The following ZIC2 variants were observed in gnomAD, a reference collection of about 807,000 sequenced individuals.
The protein encoded by ZIC2 is Zic family zinc finger 2.
ZIC2 carries 7 observed loss-of-function variants against 29.5 expected under a neutral mutation model. That is an observed-to-expected ratio of 0.24 (90% CI 0.14 to 0.45). The LOEUF (loss-of-function observed/expected upper bound fraction) is 0.45. Ranked by LOEUF, ZIC2 falls within the 20% of genes least tolerant of loss-of-function variation. ZIC2 has a pLI of 1.00. For synonymous variants in ZIC2, 408 were observed against 354.2 expected, an observed-to-expected ratio of 1.15 and a Z score of -1.70; for missense variants, 589 against 781.2, an observed-to-expected ratio of 0.75 and a Z score of 2.93.
Position 99,985,122 on chromosome 13 carries a change from C to T in ZIC2, c.1239+13C>T, listed in dbSNP as rs1281752411. 1 of 1,613,872 alleles carries T rather than the reference C, an allele frequency of 6.2e-7. No individual in the cohort carries two copies. The highest frequency in any genetic ancestry group is 8.5e-7 in the Non-Finnish European group (1 of 1,179,876). On this transcript the variant is annotated intron_variant, in intron 2 of 2. Coordinates refer to ENST00000376335, the MANE Select transcript of ZIC2 (RefSeq NM_007129.5). This position sits in a 1 kb window ranked among gnomAD's most constrained non-coding sequence, Gnocchi z 6.3. ...GAAGCACATGAAGGTACCACCGCGG[C>T]GGCCGGGAGGAGGGCGAGGCAGGCC...
rs1332917357 is a variant in ZIC2, at chr13:99,986,294, A to G, written c.*612A>G. 7 of 290,044 alleles carry G rather than the reference A, an allele frequency of 2.4e-5. No homozygotes were observed. Among genetic ancestry groups the G allele is most frequent in the Middle Eastern group, 1.2e-3 (1 of 828 alleles). 18.0% of individuals were successfully genotyped at this position (290,044 alleles called of 1,614,324 possible). On this transcript the variant is annotated 3_prime_UTR_variant, in exon 3 of 3. Coordinates refer to ENST00000376335, the MANE Select transcript of ZIC2 (RefSeq NM_007129.5). ...GGCAACCTGATTGTAAACTTCATGT[A>G]ACTATAGACTGGAAAAAATGAGCCG...
chr13:99,982,243 T>C lies in ZIC2; in HGVS notation c.179T>C (p.Phe60Ser). Reference protein sequence around the residue: ...VDSAAAHMGAFKLNPGAHELS... With the variant: ...VDSAAAHMGASKLNPGAHELS... ...TCCGCCGCCGCGCACATGGGAGCCTTCAAGCTCAACCCGGGCGCGCACGAG... is the reference window on the plus strand; with the variant it reads ...TCCGCCGCCGCGCACATGGGAGCCTCCAAGCTCAACCCGGGCGCGCACGAG... The change falls in exon 1 of 3, where the codon TTC (phenylalanine) becomes TCC (serine). Residue 60 changes from phenylalanine to serine, a missense_variant. By Grantham distance (155) the Phe-to-Ser change is radical. This residue lies in a region of ZIC2 where 358 missense variants were observed against 382.0 expected (regional missense o/e 0.94). Coordinates refer to ENST00000376335, the MANE Select transcript of ZIC2 (RefSeq NM_007129.5). 6.6e-7 allele frequency: 1 copy of C among 1,514,430 alleles called. No homozygotes were observed. Among genetic ancestry groups the C allele is most frequent in the Non-Finnish European group, 8.8e-7 (1 of 1,138,178 alleles). The allele number at this position is 1,514,430 out of a possible 1,614,324, so 93.8% of individuals were successfully genotyped here. A position where few individuals can be genotyped will look rare whatever the true frequency, so the allele number is the denominator to read the frequency against.
Position 99,985,242 on chromosome 13 carries a change from C to G in ZIC2, c.1240-81C>G. ...CGGGGGGAACATTTCTGGGGGTGCT[C>G]TCCCCCAGGGGCCCGGCCCCACAGC... On this transcript the variant is annotated intron_variant, in intron 2 of 2. Transcript: ENST00000376335. The surrounding 1 kb of genome is among the most constrained non-coding windows in gnomAD (Gnocchi z 6.3). 3 of 1,602,870 alleles carry G rather than the reference C, an allele frequency of 1.9e-6. No individual in the cohort carries two copies. Among genetic ancestry groups the G allele is most frequent in the Non-Finnish European group, 2.5e-6 (3 of 1,177,132 alleles).
chr13:99,982,246 A>G lies in ZIC2; in HGVS notation c.182A>G (p.Lys61Arg). 1 of 1,514,628 alleles carries G rather than the reference A, an allele frequency of 6.6e-7. No individual in the cohort carries two copies. Among genetic ancestry groups the G allele is most frequent in the East Asian group, 2.7e-5 (1 of 36,390 alleles). 93.8% of individuals were successfully genotyped at this position (1,514,628 alleles called of 1,614,324 possible). ...GCCGCCGCGCACATGGGAGCCTTCA[A>G]GCTCAACCCGGGCGCGCACGAGCTG... ...DSAAAHMGAF[K>R]LNPGAHELSP... is the part of the protein sequence containing the mutation. Residue 61 changes from lysine to arginine, a missense_variant, in exon 1 of 3, where the codon AAG becomes AGG. Lys to Arg is a conservative substitution (Grantham distance 26). Around this residue, in one of 7 missense-constraint regions of ZIC2, gnomAD observed 358 missense variants for 382.0 expected, o/e 0.94. Transcript: ENST00000376335.
chr13:99,981,995 G>C lies in ZIC2; in HGVS notation c.-70G>C. On this transcript the variant is annotated 5_prime_UTR_variant, in exon 1 of 3. Coordinates refer to ENST00000376335, the MANE Select transcript of ZIC2 (RefSeq NM_007129.5). The stretch of plus-strand genomic sequence containing the variant: ...GCCCGGTGGCCGCCGGACGCACCGC[G>C]CGGATCGGGAGCGGGAGTCGAGGCG... 1 of 1,204,282 alleles carries C rather than the reference G, an allele frequency of 8.3e-7. No individual in the cohort carries two copies. Among genetic ancestry groups the C allele is most frequent in the Non-Finnish European group, 1.0e-6 (1 of 971,988 alleles). The allele number at this position is 1,204,282 out of a possible 1,614,324, so 74.6% of individuals were successfully genotyped here.
rs1264657841 is a variant in ZIC2 at position 99,982,412 on chromosome 13, C to A, written c.348C>A (p.Thr116=). The A allele has an allele frequency of 3.1e-5, 45 of 1,472,882 alleles. No individual in the cohort carries two copies. In the East Asian group the frequency reaches 1.1e-3, roughly 37 times the overall value. The allele number at this position is 1,472,882 out of a possible 1,614,324, so 91.2% of individuals were successfully genotyped here. The part of the protein sequence containing the change: ...GSYSGPPFNS[T]RDFLFRSRGF... ...ACTCTGGGCCGCCCTTCAACTCCAC[C>A]CGGGACTTCCTGTTCCGCAGCCGCG... is the stretch of plus-strand genomic sequence containing the variant. The change falls in exon 1 of 3, where the codon ACC becomes ACA. Residue 116 remains threonine, a synonymous_variant. Transcript: ENST00000376335.
At position 99,983,532 on chromosome 13, in the gene ZIC2, G is replaced by T. The variant is rs1594291294; in HGVS notation, c.1075+393G>T. Among the ~76,000 whole-genome samples the T allele has an allele frequency of 6.6e-6, 1 of 152,112 alleles. No homozygotes were observed. Among genetic ancestry groups the T allele is most frequent in the African/African-American group, 2.4e-5 (1 of 41,428 alleles). On this transcript the variant is annotated intron_variant, in intron 1 of 2. Coordinates refer to ENST00000376335, the MANE Select transcript of ZIC2 (RefSeq NM_007129.5). The surrounding 1 kb of genome is among the most constrained non-coding windows in gnomAD (Gnocchi z 4.7). Reference sequence around the variant, plus strand: ...CTTGTCTGAATGTGCTTTTCTGCTCGGAGTGTATGTCTGTCTGAGTGGTTT... The same window carrying T: ...CTTGTCTGAATGTGCTTTTCTGCTCTGAGTGTATGTCTGTCTGAGTGGTTT...
rs539609412 is a variant in ZIC2 at position 99,985,468 on chromosome 13, C to T, written c.1385C>T (p.Ala462Val). 5 of 1,304,452 alleles carry T rather than the reference C, an allele frequency of 3.8e-6. No homozygotes were observed. Among genetic ancestry groups the T allele is most frequent in the South Asian group, 4.9e-5 (2 of 40,788 alleles). The allele number at this position is 1,304,452 out of a possible 1,614,324, so 80.8% of individuals were successfully genotyped here. A position where few individuals can be genotyped will look rare whatever the true frequency, so the allele number is the denominator to read the frequency against. ...TCCCCAGCGGCGGCGGCAGCGGCGG[C>T]GGCGGCTGCGGCGGCGGCGGCCGCG... is the stretch of plus-strand genomic sequence containing the variant. Reference protein sequence around the residue: ...NLSPAAAAAAAAAAAAAAAVS... With the variant: ...NLSPAAAAAAVAAAAAAAAVS... Residue 462 changes from alanine (A) to valine (V), a missense_variant, in exon 3 of 3, where the codon GCG becomes GTG. Ala to Val is a moderately conservative substitution (Grantham distance 64). Coordinates refer to ENST00000376335, the MANE Select transcript of ZIC2 (RefSeq NM_007129.5). The surrounding 1 kb of genome is among the most constrained non-coding windows in gnomAD (Gnocchi z 6.3).
rs2053262534 is a variant in ZIC2, at chr13:99,985,550, AGGCGGCGGCAGCGGCAGTGGCGGGGGC to A, written c.1476_1502del (p.Ser493_Gly501del). The A allele has an allele frequency of 1.0e-6, 1 of 987,928 alleles. No individual in the cohort carries two copies. Among genetic ancestry groups the A allele is most frequent in the Admixed American group, 6.3e-5 (1 of 15,820 alleles). 61.2% of individuals were successfully genotyped at this position (987,928 alleles called of 1,614,324 possible). ...GCAGTGGCGGCGCGGGAGGCGGCTC[AGGCGGCGGCAGCGGCAGTGGCGGGGGC>A]GGCGGCGGGGCGGGCGGCGGGGGCG... On this transcript the variant is annotated inframe_deletion, in exon 3 of 3. Transcript: ENST00000376335. This position sits in a 1 kb window ranked among gnomAD's most constrained non-coding sequence, Gnocchi z 6.3.
In ZIC2 at chr13:99,982,434, C is replaced by T. The variant is rs984618197; in HGVS notation, c.370C>T (p.Arg124Cys). 1 of 1,450,762 alleles carries T rather than the reference C, an allele frequency of 6.9e-7. No individual in the cohort carries two copies. Among genetic ancestry groups the T allele is most frequent in the Non-Finnish European group, 9.0e-7 (1 of 1,107,202 alleles). The allele number at this position is 1,450,762 out of a possible 1,614,324, so 89.9% of individuals were successfully genotyped here. Residue 124 changes from arginine to cysteine, a missense_variant, in exon 1 of 3, where the codon CGC becomes TGC. Physicochemically the swap from Arg to Cys is radical, Grantham distance 180. This residue lies in a region of ZIC2 where 358 missense variants were observed against 382.0 expected (regional missense o/e 0.94). Transcript: ENST00000376335. ...CACCCGGGACTTCCTGTTCCGCAGC[C>T]GCGGCTTCGGGGACTCGGCGCCGGG... is the stretch of plus-strand genomic sequence containing the variant. ...NSTRDFLFRSRGFGDSAPGGG... is the reference protein window; with the variant it reads ...NSTRDFLFRSCGFGDSAPGGG...
chr13:99,985,233 G>C lies in ZIC2; in HGVS notation c.1240-90G>C. ...CCAGGGCGGCGGGGGGAACATTTCT[G>C]GGGGTGCTCTCCCCCAGGGGCCCGG... On this transcript the variant is annotated intron_variant, in intron 2 of 2. Transcript: ENST00000376335. This position sits in a 1 kb window ranked among gnomAD's most constrained non-coding sequence, Gnocchi z 6.3. The C allele has an allele frequency of 6.2e-7, 1 of 1,603,004 alleles. No homozygotes were observed.
In ZIC2 at chr13:99,985,222, G is replaced by T; in HGVS notation, c.1240-101G>T. ...GTCCCCAGGGGCCAGGGCGGCGGGG[G>T]GAACATTTCTGGGGGTGCTCTCCCC... On this transcript the variant is annotated intron_variant, in intron 2 of 2. Coordinates refer to ENST00000376335, the MANE Select transcript of ZIC2 (RefSeq NM_007129.5). The surrounding 1 kb of genome is among the most constrained non-coding windows in gnomAD (Gnocchi z 6.3). 6.2e-7 allele frequency: 1 copy of T among 1,602,928 alleles called. No individual in the cohort carries two copies. The highest frequency in any genetic ancestry group is 1.1e-5 in the South Asian group (1 of 90,664).
rs778315160 is a variant in ZIC2 at position 99,985,034 on chromosome 13, C to A, written c.1164C>A (p.Thr388=). 2.5e-6 allele frequency: 4 copies of A among 1,614,046 alleles called. No homozygotes were observed. The African/African-American group carries it at 4.0e-5, about 16-fold the overall frequency. ...SDRKKHMHVH[T]SDKPYLCKMC... ...GGAAGAAGCACATGCACGTCCACAC[C>A]TCCGATAAGCCCTATCTCTGCAAGA... The change falls in exon 2 of 3, where the codon ACC becomes ACA. Residue 388 remains threonine (T), a synonymous_variant. Transcript: ENST00000376335. The surrounding 1 kb of genome is among the most constrained non-coding windows in gnomAD (Gnocchi z 6.3).
At position 99,982,063 on chromosome 13, in the gene ZIC2, C is replaced by G; in HGVS notation, c.-2C>G. ...TCGCAGGGGCGGGCGGGCGCGCTGGCCATGCTCCTGGACGCGGGTCCGCAG... is the reference window on the plus strand; with the variant it reads ...TCGCAGGGGCGGGCGGGCGCGCTGGGCATGCTCCTGGACGCGGGTCCGCAG... On this transcript the variant is annotated 5_prime_UTR_variant, in exon 1 of 3. Coordinates refer to ENST00000376335, the MANE Select transcript of ZIC2 (RefSeq NM_007129.5). 2.4e-6 allele frequency: 3 copies of G among 1,238,342 alleles called. No individual in the cohort carries two copies. The highest frequency in any genetic ancestry group is 3.0e-6 in the Non-Finnish European group (3 of 993,470). 76.7% of individuals were successfully genotyped at this position (1,238,342 alleles called of 1,614,324 possible).
In ZIC2 at chr13:99,981,829, GCCT is replaced by G. The variant is rs755426591; in HGVS notation, c.-225_-223del. On this transcript the variant is annotated 5_prime_UTR_variant, in exon 1 of 3. Transcript: ENST00000376335. Reference sequence around the variant, plus strand: ...CTCCTCCTCCTCCTCCCGCGCCGCCGCCTCCTCCTCCTCTTCCTCTCCGCGCCT... The same window carrying G: ...CTCCTCCTCCTCCTCCCGCGCCGCCGCCTCCTCCTCTTCCTCTCCGCGCCT... The G allele has an allele frequency of 5.1e-5, 39 of 766,828 alleles. No homozygotes were observed. The highest frequency in any genetic ancestry group is 1.5e-4 in the East Asian group (2 of 12,926). 47.5% of individuals were successfully genotyped at this position (766,828 alleles called of 1,614,324 possible). A position where few individuals can be genotyped will look rare whatever the true frequency, so the allele number is the denominator to read the frequency against.
Position 99,982,345 on chromosome 13 carries a change from C to A in ZIC2, c.281C>A (p.Ala94Glu). The change falls in exon 1 of 3, where the codon GCG becomes GAG. Residue 94 changes from alanine (A) to glutamate (E), a missense_variant. Transcript: ENST00000376335. ...CCCGGCTCCGCTGCGGCTGCCGCTG[C>A]GGCCGCAGCGCTCGGGCCCCACGCC... ...AYPGSAAAAA[A>E]AAALGPHAAH... is the part of the protein sequence containing the mutation. 1 of 1,465,534 alleles carries A rather than the reference C, an allele frequency of 6.8e-7. No homozygotes were observed. Among genetic ancestry groups the A allele is most frequent in the South Asian group, 1.3e-5 (1 of 74,816 alleles). The allele number at this position is 1,465,534 out of a possible 1,614,324, so 90.8% of individuals were successfully genotyped here. A position where few individuals can be genotyped will look rare whatever the true frequency, so the allele number is the denominator to read the frequency against.
At chr13:99,984,491 C>G (rs1566405490) in intron 1 of ZIC2, 3 of 245,382 alleles carry the variant, frequency 1.2e-5, no homozygotes, top group Admixed American at 1.0e-4. Flanking sequence ...CAGCCCGGCC[C>G]CCAAACAACA....
In ZIC2 at chr13:99,982,752, G is replaced by A; in HGVS notation, c.688G>A (p.Ala230Thr). 1.9e-6 allele frequency: 3 copies of A among 1,600,666 alleles called. No homozygotes were observed. Among genetic ancestry groups the A allele is most frequent in the Non-Finnish European group, 2.5e-6 (3 of 1,179,768 alleles). ...NMGMNMAAAA[A>T]HHHHHHHHHP... ...GGGTATGAACATGGCAGCAGCCGCG[G>A]CCCACCACCACCACCACCACCACCA... The change falls in exon 1 of 3, where the codon GCC becomes ACC. Residue 230 changes from alanine to threonine, a missense_variant. By Grantham distance (58) the Ala-to-Thr change is moderately conservative. Transcript: ENST00000376335.
Position 99,985,931 on chromosome 13 carries a change from A to T in ZIC2, c.*249A>T, listed in dbSNP as rs867363251. 5.4e-6 allele frequency: 2 copies of T among 369,878 alleles called. No individual in the cohort carries two copies. The highest frequency in any genetic ancestry group is 1.0e-5 in the Non-Finnish European group (2 of 192,096). 22.9% of individuals were successfully genotyped at this position (369,878 alleles called of 1,614,324 possible). A position where few individuals can be genotyped will look rare whatever the true frequency, so the allele number is the denominator to read the frequency against. On this transcript the variant is annotated 3_prime_UTR_variant, in exon 3 of 3. Transcript: ENST00000376335. This position sits in a 1 kb window ranked among gnomAD's most constrained non-coding sequence, Gnocchi z 6.3. ...TGAAAATATAAAACAAATAAAAAAT[A>T]AAAAAATAAAAACCCACAAAAATGT...
Sources: gnomAD v4.1 joint callset for allele counts (sites outside exome capture counted in the v4.1 genomes callset) on GRCh38, gnomAD v4.1.1 for gene constraint, gnomAD v4.1.1 regional missense constraint, Gnocchi (gnomAD v3.1) non-coding constraint, MANE v1.5 for transcripts, NCBI Gene and HGNC (gene_info 2026-07-23, HGNC 2026-07-21) for gene names.